The following RNF217 variants were observed in gnomAD, a reference collection of about 807,000 sequenced individuals.
The protein encoded by RNF217 is ring finger protein 217, also known as E3 ubiquitin-protein ligase RNF217.
In RNF217, 31 loss-of-function variants were observed where a neutral mutation model predicts 57.8. The observed-to-expected ratio is 0.54, with a 90% confidence interval of 0.40 to 0.72. RNF217 has a LOEUF of 0.72. Among genes scored for constraint, RNF217 ranks in the 30% least tolerant of loss-of-function variants. The pLI is 0.00. For missense variants in RNF217, 696 were observed against 708.3 expected (o/e 0.98, Z 0.20); for synonymous variants, 313 against 294.0 (o/e 1.06, Z -0.66).
intron 1 of RNF217, among the ~76,000 whole-genome samples, chr6:124,986,931 G>A (rs1784385462): frequency 6.6e-6 from 1 of 152,068 alleles, no homozygotes; most frequent in Non-Finnish European, 1.5e-5. Flanking sequence ...AATGTTTCCT[G>A]TCATCAGTGT....
At chr6:124,997,162 A>G (rs1215768689) in intron 1 of RNF217, among the ~76,000 whole-genome samples, 1 of 152,218 alleles carries the variant, frequency 6.6e-6, no homozygotes, top group East Asian at 1.9e-4. Context: ...TTGACCAGGC[A>G]TAGAAAAGAG....
intron 3 of RNF217, among the ~76,000 whole-genome samples, chr6:125,065,311 G>T (rs1340607814): frequency 2.2e-5 from 3 of 136,186 alleles, no homozygotes; most frequent in Non-Finnish European, 4.6e-5. Context: ...AAAAAAAAAA[G>T]TCATGGAAAT....
chr6:125,052,284 T>TTGTGTCTGTGTGTGTG (rs1787347615), intron 2 of RNF217, among the ~76,000 whole-genome samples: 2 of 143,136 alleles, frequency 1.4e-5, no homozygotes, highest in African/African-American at 5.1e-5. Flanking sequence ...GTCATGCGTT[T>TTGTGTCTGTGTGTGTG]TGTGTGTGTG....
At chr6:125,017,713 A>G (rs531360922) in intron 1 of RNF217, among the ~76,000 whole-genome samples, 1 of 152,170 alleles carries the variant, frequency 6.6e-6, no homozygotes, top group Non-Finnish European at 1.5e-5. Context: ...AAATGCCATT[A>G]ACTTTGGAAG....
At chr6:125,034,351 T>C (rs914517525) in intron 1 of RNF217, among the ~76,000 whole-genome samples, 11 of 152,260 alleles carry the variant, frequency 7.2e-5, no homozygotes, top group Non-Finnish European at 1.0e-4. Context: ...AGTCTTTCAT[T>C]CATCTTGAAT....
intron 1 of RNF217, among the ~76,000 whole-genome samples, chr6:125,025,699 C>G (rs1353020845): frequency 1.5e-5 from 2 of 131,674 alleles, no homozygotes. Context: ...TCCAAATGTA[C>G]TCCCTTATGA....
At chr6:125,006,888 G>A (rs761269881) in intron 1 of RNF217, among the ~76,000 whole-genome samples, 1 of 152,262 alleles carries the variant, frequency 6.6e-6, no homozygotes, top group African/African-American at 2.4e-5. Flanking sequence ...GGCAGAGGTT[G>A]CAATGAGCCG....
intron 1 of RNF217, among the ~76,000 whole-genome samples, chr6:125,028,889 A>G (rs962805639): frequency 2.6e-5 from 4 of 151,714 alleles, no homozygotes; most frequent in African/African-American, 9.7e-5. Flanking sequence ...TATATATTTT[A>G]TCTTAGCTAG....
chr6:125,067,055 G>A (rs867452098), intron 3 of RNF217, among the ~76,000 whole-genome samples: 3 of 152,296 alleles, frequency 2.0e-5, no homozygotes, highest in Middle Eastern at 3.4e-3. Flanking sequence ...GAATCCAAGG[G>A]AGCTAGGTTG....
At chr6:124,966,376 TG>T (rs1287143570) in intron 1 of RNF217, among the ~76,000 whole-genome samples, 1 of 152,198 alleles carries the variant, frequency 6.6e-6, no homozygotes, top group Non-Finnish European at 1.5e-5. Context: ...AAAGTCAAAC[TG>T]CATGGTTATT....
chr6:124,965,549 G>A (rs916825529), intron 1 of RNF217, among the ~76,000 whole-genome samples: 8 of 151,990 alleles, frequency 5.3e-5, no homozygotes, highest in Non-Finnish European at 8.8e-5. Flanking sequence ...CTCCAGCCTG[G>A]GCAACAGAGT....
At chr6:125,056,731 T>C (rs905466184) in intron 2 of RNF217, among the ~76,000 whole-genome samples, 1 of 152,160 alleles carries the variant, frequency 6.6e-6, no homozygotes, top group African/African-American at 2.4e-5. Context: ...AAGAGAGTGG[T>C]CAGTTATAAA....
chr6:125,041,168 A>G (rs1339894898), intron 1 of RNF217, among the ~76,000 whole-genome samples: 1 of 152,130 alleles, frequency 6.6e-6, no homozygotes, highest in Non-Finnish European at 1.5e-5. Context: ...ATATTAAAAC[A>G]TCATGTTGTA....
At chr6:125,009,447 C>G (rs973771586) in intron 1 of RNF217, 2 of 494,674 alleles carry the variant, frequency 4.0e-6, no homozygotes, top group Non-Finnish European at 3.6e-6. Context: ...GGTGCCATCT[C>G]TTTCTAGAAA....
At chr6:125,001,955 C>A (rs1785005518) in intron 1 of RNF217, among the ~76,000 whole-genome samples, 1 of 152,176 alleles carries the variant, frequency 6.6e-6, no homozygotes, top group Non-Finnish European at 1.5e-5. Flanking sequence ...TCCATCTAGG[C>A]AGGGTGTACT....
At chr6:125,042,399 T>A (rs1043321611) in intron 1 of RNF217, among the ~76,000 whole-genome samples, 45 of 152,136 alleles carry the variant, frequency 3.0e-4, no homozygotes, top group African/African-American at 1.1e-3. Flanking sequence ...AACAGAGATG[T>A]AAATTGCTAG....
chr6:124,995,613 C>T (rs889390031), intron 1 of RNF217, among the ~76,000 whole-genome samples: 4 of 152,070 alleles, frequency 2.6e-5, no homozygotes, highest in African/African-American at 9.7e-5. Flanking sequence ...GATTTACTTA[C>T]ACTTTGCCTA....
intron 1 of RNF217, among the ~76,000 whole-genome samples, chr6:125,007,200 G>T (rs764265554): frequency 6.6e-6 from 1 of 150,956 alleles, no homozygotes; most frequent in African/African-American, 2.4e-5. Flanking sequence ...TTTTCATGCA[G>T]CCTTCTTCTT....
chr6:124,977,164 A>G (rs1383719432), intron 1 of RNF217, among the ~76,000 whole-genome samples: 1 of 152,240 alleles, frequency 6.6e-6, no homozygotes, highest in African/African-American at 2.4e-5. Context: ...TAAAAATAAT[A>G]TAAAACATTA....
Sources: gnomAD v4.1 joint callset for allele counts (sites outside exome capture counted in the v4.1 genomes callset) on GRCh38, gnomAD v4.1.1 for gene constraint, MANE v1.5 for transcripts, NCBI Gene and HGNC (gene_info 2026-07-23, HGNC 2026-07-21) for gene names.